The following SNX6 variants were observed in gnomAD, a reference collection of about 807,000 sequenced individuals.
SNX6 encodes sorting nexin-6.
Under a neutral mutation model 63.0 loss-of-function variants are expected in SNX6, and 34 were observed. The ratio of observed to expected loss-of-function variants is 0.54; its 90% CI spans 0.41 to 0.72. SNX6 has a LOEUF of 0.72. Ranked by LOEUF, SNX6 falls within the 30% of genes least tolerant of loss-of-function variation. The pLI is 0.00. For synonymous variants in SNX6, 170 were observed against 164.2 expected, an observed-to-expected ratio of 1.04 and a Z score of -0.27; for missense variants, 398 against 471.4, an observed-to-expected ratio of 0.84 and a Z score of 1.44.
chr14:34,615,850 A>G (rs1476718361), intron 2 of SNX6, among the ~76,000 whole-genome samples: 1 of 151,588 alleles, frequency 6.6e-6, no homozygotes, highest in East Asian at 1.9e-4. Context: ...AAATAAAATC[A>G]CCCCCCACCA....
intron 7 of SNX6, among the ~76,000 whole-genome samples, chr14:34,594,308 C>T (rs923239354): frequency 6.2e-5 from 9 of 146,114 alleles, no homozygotes; most frequent in East Asian, 4.0e-4. Flanking sequence ...TGTCTTCAAC[C>T]TTTTTTTTTT....
At chr14:34,581,079 G>C (rs1881915020) in intron 10 of SNX6, among the ~76,000 whole-genome samples, 1 of 152,168 alleles carries the variant, frequency 6.6e-6, no homozygotes, top group Admixed American at 6.6e-5. Context: ...TTCCTCAATA[G>C]AGTTAAACAG....
intron 2 of SNX6, among the ~76,000 whole-genome samples, chr14:34,623,158 G>A (rs61553463): frequency 0.63 from 96,389 of 151,944 alleles, 30,992 homozygotes; most frequent in East Asian, 0.9. Flanking sequence ...TTTATGTGAA[G>A]TAACTATCAA....
At chr14:34,601,174 C>A (rs1882796906) in intron 6 of SNX6, among the ~76,000 whole-genome samples, 1 of 151,876 alleles carries the variant, frequency 6.6e-6, no homozygotes, top group Admixed American at 6.6e-5. Context: ...CGGAAGACTC[C>A]AAACTCAAAT....
chr14:34,570,728 T>C (rs9743864), intron 11 of SNX6, among the ~76,000 whole-genome samples: 19,183 of 90,158 alleles, frequency 0.21, 2,350 homozygotes, highest in African/African-American at 0.36. Flanking sequence ...GCCTTCTCTT[T>C]TTTTTTTTTT....
chr14:34,617,498 G>A (rs935331234), intron 2 of SNX6, among the ~76,000 whole-genome samples: 2 of 151,238 alleles, frequency 1.3e-5, no homozygotes, highest in Admixed American at 1.3e-4. Flanking sequence ...AAATTAGCTG[G>A]GTGTAATGGT....
At chr14:34,571,242 G>A (rs111744608) in intron 11 of SNX6, among the ~76,000 whole-genome samples, 6 of 151,364 alleles carry the variant, frequency 4.0e-5, no homozygotes, top group African/African-American at 1.5e-4. Flanking sequence ...GACCATCCTG[G>A]CTAAAACGGT....
intron 11 of SNX6, chr14:34,569,032 C>G (rs1881322105): frequency 6.9e-7 from 1 of 1,442,140 alleles, no homozygotes; most frequent in African/African-American, 1.4e-5. Flanking sequence ...GGTGTCCACC[C>G]ATTCGGGGAC....
intron 1 of SNX6, 72 bp downstream of exon 1, chr14:34,630,039 G>T (rs1033846783): frequency 2.1e-6 from 3 of 1,439,438 alleles, no homozygotes; most frequent in East Asian, 2.9e-5. Context: ...AGGCTGGCGC[G>T]GTCCCCGCGC....
rs1230778544 is a variant in SNX6 at position 34,581,427 on chromosome 14, C to T, written c.834+134G>A. 3 of 478,964 alleles carry T rather than the reference C, an allele frequency of 6.3e-6. No homozygotes were observed. In the South Asian group the frequency reaches 1.3e-4, roughly 21 times the overall value. The allele number at this position is 478,964 out of a possible 1,614,324, so 29.7% of individuals were successfully genotyped here. On this transcript the variant is annotated intron_variant, in intron 10 of 13. Coordinates refer to ENST00000362031, the MANE Select transcript of SNX6 (RefSeq NM_152233.4). The stretch of plus-strand genomic sequence containing the variant: ...TTGGCCTCCCAAAGTGTTGGGATTA[C>T]AGGCACGAGCCACGTGCCTGGCCAA...
intron 2 of SNX6, among the ~76,000 whole-genome samples, chr14:34,613,084 A>G (rs1442597258): frequency 6.6e-6 from 1 of 151,936 alleles, no homozygotes; most frequent in Non-Finnish European, 1.5e-5. Flanking sequence ...AAACACTCCA[A>G]TAACTAATGA....
intron 6 of SNX6, among the ~76,000 whole-genome samples, chr14:34,598,915 T>C (rs1168919178): frequency 1.3e-5 from 2 of 152,160 alleles, no homozygotes; most frequent in African/African-American, 4.8e-5. Flanking sequence ...GTGGGGCTTT[T>C]GAGAAGTGAT....
In SNX6 at chr14:34,570,363, G is replaced by A. The variant is rs564268042; in HGVS notation, c.922-2350C>T. On this transcript the variant is annotated intron_variant, in intron 11 of 13. Coordinates refer to ENST00000362031, the MANE Select transcript of SNX6 (RefSeq NM_152233.4). ...TTACAGGTGTGAGCCACTGTGCCTG[G>A]TCTTACCAGCTTTTTTTTTTTTTAA... Among the ~76,000 whole-genome samples the A allele has an allele frequency of 2.2e-4, 32 of 148,428 alleles. 1 individual carries two copies. The highest frequency in any genetic ancestry group is 3.6e-3 in the Middle Eastern group (1 of 278).
At chr14:34,609,480 C>CAAAAA (rs398024759) in intron 3 of SNX6, among the ~76,000 whole-genome samples, 158 bp downstream of exon 3, 16 of 65,026 alleles carry the variant, frequency 2.5e-4, no homozygotes, top group Non-Finnish European at 3.1e-4. Context: ...GACTCCGTCT[C>CAAAAA]AAAAAAAAAA....
chr14:34,623,842 A>G (rs1169897049), intron 2 of SNX6, among the ~76,000 whole-genome samples: 1 of 152,224 alleles, frequency 6.6e-6, no homozygotes, highest in Non-Finnish European at 1.5e-5. Flanking sequence ...CAATAAACAT[A>G]TTATTTAGAA....
intron 2 of SNX6, among the ~76,000 whole-genome samples, chr14:34,616,636 T>C (rs1883428881): frequency 6.6e-6 from 1 of 152,122 alleles, no homozygotes; most frequent in South Asian, 2.1e-4. Context: ...GAACCACTGG[T>C]ATTACAGGTG....
At chr14:34,581,732 C>G in intron 9 of SNX6, 132 bp from the exon 10 acceptor site, 1 of 493,132 alleles carries the variant, frequency 2.0e-6, no homozygotes, top group Non-Finnish European at 3.8e-6. Context: ...GCCTTATTAA[C>G]TGCAGACTTC....
At chr14:34,564,439 G>A (rs1272488784) in intron 13 of SNX6, among the ~76,000 whole-genome samples, 1 of 152,108 alleles carries the variant, frequency 6.6e-6, no homozygotes, top group Non-Finnish European at 1.5e-5. Context: ...AATGTCCTCT[G>A]GGGGGCAGAA....
intron 7 of SNX6, among the ~76,000 whole-genome samples, chr14:34,593,466 C>T (rs1026057188): frequency 7.9e-5 from 12 of 151,122 alleles, no homozygotes; most frequent in Admixed American, 6.6e-5. Flanking sequence ...GTGGCGTGAT[C>T]TTGGTTCACT....
Sources: gnomAD v4.1 joint callset for allele counts (sites outside exome capture counted in the v4.1 genomes callset) on GRCh38, gnomAD v4.1.1 for gene constraint, MANE v1.5 for transcripts, NCBI Gene and HGNC (gene_info 2026-07-23, HGNC 2026-07-21) for gene names.